Variants in DDIT3 observed in about 807,000 individuals in gnomAD.
The protein encoded by DDIT3 is DNA damage inducible transcript 3.
DDIT3 carries 14 observed loss-of-function variants against 17.6 expected under a neutral mutation model. That is an observed-to-expected ratio of 0.80 (90% CI 0.53 to 1.25). The LOEUF is 1.25. DDIT3 is among the 50% of genes most tolerant of loss of function. DDIT3 has a pLI of 0.00. For synonymous variants in DDIT3, 93 were observed against 76.5 expected (o/e 1.22, Z -1.13); for missense variants, 216 against 202.7 (o/e 1.07, Z -0.40).
chr12:57,518,384 T>A (rs913321679), intron 1 of DDIT3, among the ~76,000 whole-genome samples: 1 of 152,164 alleles, frequency 6.6e-6, no homozygotes, highest in Non-Finnish European at 1.5e-5. Context: ...TTTTCCTAAC[T>A]CCATTCCCAC....
intron 1 of DDIT3, among the ~76,000 whole-genome samples, chr12:57,518,578 T>C (rs1047224444): frequency 3.3e-5 from 5 of 152,218 alleles, no homozygotes; most frequent in African/African-American, 4.8e-5. Context: ...ATGACAACTC[T>C]AGTTGCTTAA....
At chr12:57,518,258 A>G (rs28382843) in intron 1 of DDIT3, among the ~76,000 whole-genome samples, 2,483 of 152,296 alleles carry the variant, frequency 0.016, 63 homozygotes, top group African/African-American at 0.057. Flanking sequence ...TGACATTTGT[A>G]GTCCTGGTTA....
At position 57,520,512 on chromosome 12, in the gene DDIT3, G is replaced by C; in HGVS notation, c.-175C>G. On this transcript the variant is annotated 5_prime_UTR_variant, in exon 1 of 4. Transcript: ENST00000346473. ...CTCAGTGCCTTAGACTTAAGTCTCT[G>C]ACCTCGGGAGCGCCTGGCTGTAATC... 1 of 398,588 alleles carries C rather than the reference G, an allele frequency of 2.5e-6. No individual in the cohort carries two copies. The allele number at this position is 398,588 out of a possible 1,614,324, so 24.7% of individuals were successfully genotyped here.
chr12:57,517,098 G>A lies in DDIT3; in HGVS notation c.221C>T (p.Thr74Ile), dbSNP rs1877916482. Residue 74 changes from threonine (T) to isoleucine (I), a missense_variant, in exon 4 of 4, where the codon ACA (threonine) becomes ATA (isoleucine). Physicochemically the swap from Thr to Ile is moderately conservative, Grantham distance 89. Coordinates refer to ENST00000346473, the MANE Select transcript of DDIT3 (RefSeq NM_004083.6). Reference sequence around the variant, plus strand: ...AGAGTGAGGGCTCTGGGAGGTGCTTGTGACCTCTGCTGGTTCTGGCTCCTC... The same window carrying A: ...AGAGTGAGGGCTCTGGGAGGTGCTTATGACCTCTGCTGGTTCTGGCTCCTC... ...TEEEPEPAEV[T>I]STSQSPHSPD... 5.0e-6 allele frequency: 8 copies of A among 1,614,022 alleles called. No homozygotes were observed. The highest frequency in any genetic ancestry group is 6.8e-6 in the Non-Finnish European group (8 of 1,180,008).
rs1878212740 is a variant in DDIT3 at position 57,520,328 on chromosome 12, A to T, written c.-81+90T>A. ...CCTCTCTCGGACGGTCCCTAACTTC[A>T]CTGTGGAGGAGTGAGGCCGATCCTA... On this transcript the variant is annotated intron_variant, in intron 1 of 3. Transcript: ENST00000346473. 4 of 398,076 alleles carry T rather than the reference A, an allele frequency of 1.0e-5. No homozygotes were observed. The East Asian group carries it at 1.4e-4, about 14-fold the overall frequency. The allele number at this position is 398,076 out of a possible 1,614,324, so 24.7% of individuals were successfully genotyped here. A position where few individuals can be genotyped will look rare whatever the true frequency, so the allele number is the denominator to read the frequency against.
rs1193689463 is a variant in DDIT3, at chr12:57,516,998, C to T, written c.321G>A (p.Gln107=). ...CAGCCCGGGCTGGGGAATGACCACT[C>T]TGTTTCCGTTTCCTGGTTCTCCCTT... is the stretch of plus-strand genomic sequence containing the variant. ...EDQGRTRKRK[Q]SGHSPARAGK... The change falls in exon 4 of 4, where the codon CAG becomes CAA. Residue 107 remains glutamine, a synonymous_variant. Transcript: ENST00000346473. 2 of 1,614,150 alleles carry T rather than the reference C, an allele frequency of 1.2e-6. No individual in the cohort carries two copies. The highest frequency in any genetic ancestry group is 8.5e-7 in the Non-Finnish European group (1 of 1,180,020).
chr12:57,516,764 A>G lies in DDIT3; in HGVS notation c.*45T>C. 2 of 1,583,902 alleles carry G rather than the reference A, an allele frequency of 1.3e-6. No homozygotes were observed. Among genetic ancestry groups the G allele is most frequent in the South Asian group, 2.3e-5 (2 of 87,410 alleles). The stretch of plus-strand genomic sequence containing the variant: ...GGTAGTCAGTAGCCACTTCTGGGAA[A>G]GGTGGGTAGTGTGGCCCAAGTGGGG... On this transcript the variant is annotated 3_prime_UTR_variant, in exon 4 of 4. Transcript: ENST00000346473.
At chr12:57,519,794 C>T (rs923112710) in intron 1 of DDIT3, among the ~76,000 whole-genome samples, 6 of 152,210 alleles carry the variant, frequency 3.9e-5, no homozygotes, top group African/African-American at 1.4e-4. Context: ...CAAATGGCCT[C>T]CTACACTTAA....
In DDIT3 at chr12:57,516,719, A is replaced by C; in HGVS notation, c.*90T>G. The C allele has an allele frequency of 6.5e-7, 1 of 1,548,542 alleles. No homozygotes were observed. The highest frequency in any genetic ancestry group is 8.7e-7 in the Non-Finnish European group (1 of 1,149,012). On this transcript the variant is annotated 3_prime_UTR_variant, in exon 4 of 4. Transcript: ENST00000346473. ...CTGCGTATGTGGGATTGAGGGTCAC[A>C]TCATTGGCACTAGTGAGAGGGTAGT...
At chr12:57,517,809 CT>C (rs1365266493) in intron 1 of DDIT3, 56 bp from the exon 2 acceptor site, 17 of 424,668 alleles carry the variant, frequency 4.0e-5, no homozygotes, top group Non-Finnish European at 5.4e-5. Context: ...AGGCAACTTA[CT>C]TTTCTTTTTC....
At chr12:57,519,567 T>G (rs1057481380) in intron 1 of DDIT3, among the ~76,000 whole-genome samples, 16 of 152,178 alleles carry the variant, frequency 1.1e-4, no homozygotes, top group African/African-American at 2.9e-4. Flanking sequence ...TTGCCCGAAG[T>G]ATTTCTCTGC....
At chr12:57,519,693 C>T (rs554030451) in intron 1 of DDIT3, among the ~76,000 whole-genome samples, 28 of 152,336 alleles carry the variant, frequency 1.8e-4, no homozygotes, top group South Asian at 2.1e-4. Context: ...TGGCCTGATG[C>T]AATGGTTACA....
chr12:57,517,413 A>G lies in DDIT3; in HGVS notation c.-7T>C, dbSNP rs199944692. 150 of 1,606,524 alleles carry G rather than the reference A, an allele frequency of 9.3e-5. No homozygotes were observed. Among genetic ancestry groups the G allele is most frequent in the Admixed American group, 1.2e-4 (7 of 60,020 alleles). ...GCAATGACTCAGCTGCCATCTCTGC[A>G]GTTGGATCAGTCTGGAAAAGCACAT... On this transcript the variant is annotated 5_prime_UTR_variant, in exon 3 of 4. Coordinates refer to ENST00000346473, the MANE Select transcript of DDIT3 (RefSeq NM_004083.6).
In DDIT3 at chr12:57,517,294, T is replaced by C; in HGVS notation, c.113A>G (p.Tyr38Cys). ...VLSSDENGGTYVSPPGNEEEE... is the reference protein window; with the variant it reads ...VLSSDENGGTCVSPPGNEEEE... Reference sequence around the variant, plus strand: ...CTCTTCATTTCCAGGAGGTGAAACATAGGTACCCCCATTTTCATCTGAAGA... The same window carrying C: ...CTCTTCATTTCCAGGAGGTGAAACACAGGTACCCCCATTTTCATCTGAAGA... The change falls in exon 3 of 4, where the codon TAT becomes TGT. Residue 38 changes from tyrosine to cysteine, a missense_variant. By Grantham distance (194) the Tyr-to-Cys change is radical. Coordinates refer to ENST00000346473, the MANE Select transcript of DDIT3 (RefSeq NM_004083.6). 4.3e-6 allele frequency: 7 copies of C among 1,614,142 alleles called. No individual in the cohort carries two copies. Among genetic ancestry groups the C allele is most frequent in the Non-Finnish European group, 5.9e-6 (7 of 1,180,024 alleles).
rs774525973 is a variant in DDIT3 at position 57,517,165 on chromosome 12, A to G, written c.154T>C (p.Phe52Leu). The G allele has an allele frequency of 1.9e-6, 3 of 1,607,598 alleles. No homozygotes were observed. The highest frequency in any genetic ancestry group is 4.5e-5 in the East Asian group (2 of 44,750). The change falls in exon 4 of 4, where the codon TTC (phenylalanine) becomes CTC (leucine). Residue 52 changes from phenylalanine to leucine, a missense_variant. Physicochemically the swap from Phe to Leu is conservative, Grantham distance 22. Coordinates refer to ENST00000346473, the MANE Select transcript of DDIT3 (RefSeq NM_004083.6). Reference sequence around the variant, plus strand: ...AGAGAAGCAGGGTCAAGAGTGGTGAAGATTTTTGATTCTTCCTTCAAGGAA... The same window carrying G: ...AGAGAAGCAGGGTCAAGAGTGGTGAGGATTTTTGATTCTTCCTTCAAGGAA... ...PGNEEEESKI[F>L]TTLDPASLAW...
intron 1 of DDIT3, 30 bp downstream of exon 1, chr12:57,520,388 G>A (rs548240713): frequency 7.5e-6 from 3 of 398,588 alleles, no homozygotes; most frequent in East Asian, 7.1e-5. Context: ...GAGACGGGAG[G>A]GTAAAAGGTA....
At chr12:57,518,214 A>G (rs951709948) in intron 1 of DDIT3, among the ~76,000 whole-genome samples, 1 of 151,996 alleles carries the variant, frequency 6.6e-6, no homozygotes, top group African/African-American at 2.4e-5. Context: ...TTCGAAGGGC[A>G]GAAGAGGGCC....
In DDIT3 at chr12:57,517,734, A is replaced by G. The variant is rs1877977972; in HGVS notation, c.-61T>C. 5 of 511,084 alleles carry G rather than the reference A, an allele frequency of 9.8e-6. No homozygotes were observed. The East Asian group carries it at 1.2e-4, about 12-fold the overall frequency. 31.7% of individuals were successfully genotyped at this position (511,084 alleles called of 1,614,324 possible). A position where few individuals can be genotyped will look rare whatever the true frequency, so the allele number is the denominator to read the frequency against. On this transcript the variant is annotated 5_prime_UTR_variant, in exon 2 of 4. Coordinates refer to ENST00000346473, the MANE Select transcript of DDIT3 (RefSeq NM_004083.6). ...CTTTCAGGTGTGGTGATGTATGAAG[A>G]TACACTTCCTTCTTGAACACTGTGG...
intron 2 of DDIT3, 117 bp from the exon 3 acceptor site, chr12:57,517,555 C>A: frequency 9.4e-7 from 1 of 1,068,054 alleles, no homozygotes; most frequent in Non-Finnish European, 1.4e-6. Context: ...GGAATACAGC[C>A]ACATCTGTTT....
Sources: allele counts gnomAD v4.1 joint callset (sites outside exome capture counted in the v4.1 genomes callset), GRCh38; gene constraint gnomAD v4.1.1; transcripts MANE v1.5; gene names NCBI Gene and HGNC (gene_info 2026-07-23, HGNC 2026-07-21).